The following KDM2A variants were observed in gnomAD, a reference collection of about 807,000 sequenced individuals.
The protein encoded by KDM2A is lysine demethylase 2A.
Under a neutral mutation model 137.3 loss-of-function variants are expected in KDM2A, and 3 were observed. That is an observed-to-expected ratio of 0.02 (90% CI 0.01 to 0.06). The LOEUF is 0.06. Among genes scored for constraint, KDM2A ranks in the 10% least tolerant of loss-of-function variants. KDM2A has a pLI of 1.00. For missense variants in KDM2A, 738 were observed against 1,510.6 expected, an observed-to-expected ratio of 0.49 and a Z score of 8.48; for synonymous variants, 512 against 541.5, an observed-to-expected ratio of 0.95 and a Z score of 0.76.
At chr11:67,205,268 G>A (rs1261809403) in intron 5 of KDM2A, among the ~76,000 whole-genome samples, 1 of 152,176 alleles carries the variant, frequency 6.6e-6, no homozygotes, top group Non-Finnish European at 1.5e-5. Context: ...AATATGAAGT[G>A]TAGGTTCTGT....
At chr11:67,123,428 C>T (rs1565367244) in intron 2 of KDM2A, among the ~76,000 whole-genome samples, 2 of 151,916 alleles carry the variant, frequency 1.3e-5, no homozygotes, top group South Asian at 2.1e-4. Context: ...TTCTTTATCT[C>T]TAACTTTGTA....
At chr11:67,121,211 C>A in intron 1 of KDM2A, 23 bp from the exon 2 acceptor site, 1 of 794,638 alleles carries the variant, frequency 1.3e-6, no homozygotes, top group Non-Finnish European at 2.2e-6. Flanking sequence ...GTTCTCATTT[C>A]TGCTTATATC....
chr11:67,124,135 C>T (rs1424341069), intron 2 of KDM2A, among the ~76,000 whole-genome samples: 1 of 151,440 alleles, frequency 6.6e-6, no homozygotes, highest in African/African-American at 2.4e-5. Flanking sequence ...TCCTGAGTAG[C>T]TGGGACTACA....
intron 8 of KDM2A, among the ~76,000 whole-genome samples, chr11:67,216,727 C>T (rs1858170928): frequency 6.6e-6 from 1 of 151,482 alleles, no homozygotes; most frequent in Admixed American, 6.6e-5. Context: ...TCAAGACCAG[C>T]CTGACCAACA....
At chr11:67,151,804 G>GGAGTGTA (rs1856396574) in intron 2 of KDM2A, among the ~76,000 whole-genome samples, 1 of 151,966 alleles carries the variant, frequency 6.6e-6, no homozygotes, top group Non-Finnish European at 1.5e-5. Flanking sequence ...AGTGTAGTAT[G>GGAGTGTA]GCTTTATCTA....
chr11:67,202,531 G>T (rs1857655422), intron 5 of KDM2A, among the ~76,000 whole-genome samples: 1 of 152,094 alleles, frequency 6.6e-6, no homozygotes, highest in Non-Finnish European at 1.5e-5. Flanking sequence ...CTAGCACTTT[G>T]GGAGGCTGAG....
At chr11:67,232,087 T>C (rs991243815) in intron 12 of KDM2A, 127 bp downstream of exon 12, 2 of 854,990 alleles carry the variant, frequency 2.3e-6, no homozygotes, top group Non-Finnish European at 3.6e-6. Context: ...TTAATATGCA[T>C]GTGTGTTTGT....
intron 2 of KDM2A, among the ~76,000 whole-genome samples, chr11:67,165,092 A>G (rs1198039264): frequency 1.3e-5 from 2 of 151,466 alleles, no homozygotes; most frequent in East Asian, 1.9e-4. Flanking sequence ...GTAGGAGTAT[A>G]TGTGTTTGAA....
In KDM2A at chr11:67,184,751, A is replaced by G. The variant is rs183896845; in HGVS notation, c.307+2859A>G. Among the ~76,000 whole-genome samples, 232 of 152,334 alleles carry G rather than the reference A, an allele frequency of 1.5e-3. 1 individual carries two copies. The highest frequency in any genetic ancestry group is 7.3e-3 in the Admixed American group (111 of 15,300). On this transcript the variant is annotated intron_variant, in intron 5 of 20. Transcript: ENST00000529006. ...GAATAGGAAGCGACTGCATATGCAC[A>G]TGGACGGTCAGGCTCAGAGAAGACG...
intron 10 of KDM2A, among the ~76,000 whole-genome samples, chr11:67,220,125 C>G (rs777992047): frequency 2.0e-5 from 3 of 152,078 alleles, no homozygotes; most frequent in Non-Finnish European, 4.4e-5. Context: ...GATCCTCCCA[C>G]CTCAGCCTCC....
intron 5 of KDM2A, among the ~76,000 whole-genome samples, chr11:67,204,366 T>G (rs550998503): frequency 1.0e-3 from 154 of 152,288 alleles, no homozygotes; most frequent in African/African-American, 3.6e-3. Flanking sequence ...CTCCTCCACT[T>G]AACTCCTGGC....
At position 67,243,000 on chromosome 11, in the gene KDM2A, T is replaced by A; in HGVS notation, c.1480-9T>A. The A allele has an allele frequency of 6.2e-7, 1 of 1,612,434 alleles. No homozygotes were observed. The highest frequency in any genetic ancestry group is 8.5e-7 in the Non-Finnish European group (1 of 1,178,564). On this transcript the variant is annotated splice_polypyrimidine_tract_variant and intron_variant, in intron 12 of 20. Coordinates refer to ENST00000529006, the MANE Select transcript of KDM2A (RefSeq NM_012308.3). ...CCTGATTTTTCCTTCTTTTCCCTCC[T>A]ACCCTTAGATTTTGCTGGAGGAGCT...
intron 5 of KDM2A, among the ~76,000 whole-genome samples, chr11:67,205,467 C>T (rs1252163200): frequency 1.3e-5 from 2 of 152,042 alleles, no homozygotes; most frequent in South Asian, 4.1e-4. Flanking sequence ...GTTTGTTCGT[C>T]TTACAAGGAA....
rs534219303 is a variant in KDM2A, at chr11:67,202,100, T to C, written c.308-5410T>C. ...TCAAGACTTCAGTGGAGGAAGTAAC[T>C]GCAAATGTGGTGAAAATAGTGAGAG... On this transcript the variant is annotated intron_variant, in intron 5 of 20. Coordinates refer to ENST00000529006, the MANE Select transcript of KDM2A (RefSeq NM_012308.3). Among the ~76,000 whole-genome samples, 10 of 152,268 alleles carry C rather than the reference T, an allele frequency of 6.6e-5. No homozygotes were observed. In the South Asian group the frequency reaches 1.9e-3, roughly 28 times the overall value.
Position 67,247,040 on chromosome 11 carries a change from TA to T in KDM2A, c.1965+925del, listed in dbSNP as rs1565423981. On this transcript the variant is annotated intron_variant, in intron 15 of 20. Transcript: ENST00000529006. ...TCATTTAATGTTATAAATTATTTTATATATATATATATATATATATATATAT... is the reference window on the plus strand; with the variant it reads ...TCATTTAATGTTATAAATTATTTTATTATATATATATATATATATATATAT... Among the ~76,000 whole-genome samples the T allele has an allele frequency of 6.2e-3, 118 of 19,186 alleles. 3 individuals carry two copies. The highest frequency in any genetic ancestry group is 0.017 in the African/African-American group (98 of 5,794). 12.6% of individuals were successfully genotyped at this position (19,186 alleles called of 152,430 possible).
At position 67,186,780 on chromosome 11, in the gene KDM2A, T is replaced by C. The variant is rs544832352; in HGVS notation, c.307+4888T>C. The stretch of plus-strand genomic sequence containing the variant: ...GAGAGATCAATACATTTAAAATAAT[T>C]AGTAGAACGGGGTATAGTGGTATAT... On this transcript the variant is annotated intron_variant, in intron 5 of 20. Transcript: ENST00000529006. 2.6e-5 allele frequency among the ~76,000 whole-genome samples: 4 copies of C among 152,302 alleles called. No individual in the cohort carries two copies. In the East Asian group the frequency reaches 7.7e-4, roughly 29 times the overall value.
intron 11 of KDM2A, among the ~76,000 whole-genome samples, chr11:67,229,527 C>T (rs1374780029): frequency 6.6e-6 from 1 of 152,172 alleles, no homozygotes; most frequent in Non-Finnish European, 1.5e-5. Flanking sequence ...TTTGCTTTAG[C>T]ATTTTACTTT....
chr11:67,223,723 A>T (rs1194304715), intron 10 of KDM2A, among the ~76,000 whole-genome samples: 2 of 151,960 alleles, frequency 1.3e-5, no homozygotes, highest in Admixed American at 6.6e-5. Context: ...TCTTTTTTTT[A>T]AACTGTCATT....
chr11:67,245,726 G>A lies in KDM2A; in HGVS notation c.1834-259G>A, dbSNP rs3825022. On this transcript the variant is annotated intron_variant, in intron 14 of 20. Transcript: ENST00000529006. The surrounding 1 kb of genome is among the most constrained non-coding windows in gnomAD (Gnocchi z 4.1). ...ATCATTGCTTTCTTTCCCCTCTTCA[G>A]GTAGATTAGAAAGGACCGGGGAGGC... The A allele has an allele frequency of 0.97, 578,000 of 594,944 alleles. 281,100 individuals carry two copies. Among genetic ancestry groups the A allele is most frequent in the Non-Finnish European group, 0.99 (338,842 of 342,632 alleles). The allele number at this position is 594,944 out of a possible 1,614,324, so 36.9% of individuals were successfully genotyped here.
Sources: allele counts gnomAD v4.1 joint callset (sites outside exome capture counted in the v4.1 genomes callset), GRCh38; gene constraint gnomAD v4.1.1; non-coding constraint Gnocchi (gnomAD v3.1); transcripts MANE v1.5; gene names NCBI Gene and HGNC (gene_info 2026-07-23, HGNC 2026-07-21).